Variants in PRH1 observed in about 807,000 individuals in gnomAD.
PRH1 encodes salivary acidic proline-rich phosphoprotein 1/2.
A neutral mutation model predicts 7.9 loss-of-function variants in PRH1; 7 were observed. That is an observed-to-expected ratio of 0.89 (90% CI 0.50 to 1.67). The LOEUF (loss-of-function observed/expected upper bound fraction) is 1.67, where lower values mean the gene tolerates loss of function less well. Ranked by LOEUF, PRH1 falls within the 40% of genes most tolerant of loss-of-function variation. The pLI is 0.00. For synonymous variants in PRH1, 45 were observed against 80.8 expected (o/e 0.56, Z 2.38); for missense variants, 109 against 223.6 (o/e 0.49, Z 3.27).
At chr12:11,062,898 A>AC (rs545691607) in intron 1 of PRH1, among the ~76,000 whole-genome samples, 4 of 152,082 alleles carry the variant, frequency 2.6e-5, no homozygotes, top group South Asian at 4.1e-4. Flanking sequence ...TGCTGCTAAT[A>AC]CGTTTGTATA....
chr12:11,133,477 T>A (rs767658098), intron 1 of PRH1: 7 of 1,614,142 alleles, frequency 4.3e-6, no homozygotes, highest in Non-Finnish European at 5.1e-6. Context: ...CAGGTTGCTT[T>A]TCCAGCCTCC....
intron 1 of PRH1, among the ~76,000 whole-genome samples, chr12:11,038,218 T>C (rs1231815919): frequency 1.3e-5 from 2 of 152,252 alleles, no homozygotes; most frequent in East Asian, 3.8e-4. Context: ...ACATTTTTTA[T>C]TGTGGAGCAT....
chr12:10,944,495 A>C (rs116490554), intron 2 of PRH1, among the ~76,000 whole-genome samples: 1 of 152,142 alleles, frequency 6.6e-6, no homozygotes, highest in Non-Finnish European at 1.5e-5. Flanking sequence ...TAGATAGAGA[A>C]TATGTCAACT....
chr12:10,997,932 T>C, intron 1 of PRH1: 1 of 1,109,662 alleles, frequency 9.0e-7, no homozygotes, highest in Non-Finnish European at 1.3e-6. Context: ...TGGTGACTCC[T>C]CTGATATTCA....
intron 1 of PRH1, among the ~76,000 whole-genome samples, chr12:11,164,287 T>C (rs937399830): frequency 7.9e-5 from 12 of 152,286 alleles, no homozygotes; most frequent in Middle Eastern, 3.4e-3. Flanking sequence ...AGGGCAAATA[T>C]ACTCTCTTCT....
chr12:11,150,529 A>C (rs1253774451), intron 1 of PRH1, among the ~76,000 whole-genome samples: 3 of 152,162 alleles, frequency 2.0e-5, no homozygotes, highest in Non-Finnish European at 4.4e-5. Flanking sequence ...AGGGACATGG[A>C]TGAAATTGGA....
intron 1 of PRH1, among the ~76,000 whole-genome samples, chr12:11,111,167 C>T (rs996963497): frequency 1.3e-5 from 2 of 152,156 alleles, no homozygotes; most frequent in Non-Finnish European, 2.9e-5. Flanking sequence ...TTCTTAGAGA[C>T]CTACAAAGAG....
chr12:10,901,686 G>C lies in PRH1; in HGVS notation c.-58-17411C>G, dbSNP rs533169621. Among the ~76,000 whole-genome samples the C allele has an allele frequency of 4.2e-3, 639 of 152,230 alleles. 4 individuals are homozygous for C. Among genetic ancestry groups the C allele is most frequent in the South Asian group, 0.02 (94 of 4,820 alleles). On this transcript the variant is annotated intron_variant, in intron 2 of 3. Transcript: ENST00000539853. Reference sequence around the variant, plus strand: ...ACCTATAAGTGCCATCTACTGGCTTGTAGGTTGAACCGCACAGTCTAATAT... The same window carrying C: ...ACCTATAAGTGCCATCTACTGGCTTCTAGGTTGAACCGCACAGTCTAATAT...
chr12:11,117,128 C>T (rs2597943), downstream of PRH1, among the ~76,000 whole-genome samples: 69,151 of 151,920 alleles, frequency 0.46, 16,537 homozygotes, highest in Non-Finnish European at 0.53. Flanking sequence ...AGTCAAATTA[C>T]GCTTGTTTGT....
chr12:11,066,169 A>G (rs1436854375), intron 1 of PRH1, among the ~76,000 whole-genome samples: 2 of 147,066 alleles, frequency 1.4e-5, no homozygotes, highest in Admixed American at 1.4e-4. Context: ...GTGTTTCTAA[A>G]GAATTCCACC....
intron 1 of PRH1, among the ~76,000 whole-genome samples, chr12:11,071,868 G>C: frequency 6.6e-6 from 1 of 152,178 alleles, no homozygotes; most frequent in East Asian, 1.9e-4. Flanking sequence ...CTCTACCCTT[G>C]CTCAATAACC....
At chr12:11,000,021 A>C (rs777564287) in intron 1 of PRH1, among the ~76,000 whole-genome samples, 3 of 152,142 alleles carry the variant, frequency 2.0e-5, no homozygotes, top group African/African-American at 4.8e-5. Flanking sequence ...ATTATGAATA[A>C]TACTACTATC....
At chr12:10,892,859 G>T (rs1565454488) in intron 2 of PRH1, among the ~76,000 whole-genome samples, 1 of 152,120 alleles carries the variant, frequency 6.6e-6, no homozygotes, top group African/African-American at 2.4e-5. Flanking sequence ...ATCAGCAATT[G>T]GTGAAGGACT....
intron 2 of PRH1, among the ~76,000 whole-genome samples, chr12:10,963,065 C>T (rs1396008167): frequency 6.6e-6 from 1 of 152,144 alleles, no homozygotes; most frequent in Non-Finnish European, 1.5e-5. Flanking sequence ...CCACCGACCC[C>T]GACCAGGGTC....
At chr12:11,031,517 A>G (rs568266189) in intron 1 of PRH1, 1 of 648,616 alleles carries the variant, frequency 1.5e-6, no homozygotes, top group Non-Finnish European at 2.4e-6. Context: ...TATTGAGAAG[A>G]GAGAAAGGAC....
At chr12:10,915,822 A>G (rs1305225020) in intron 2 of PRH1, among the ~76,000 whole-genome samples, 1 of 152,188 alleles carries the variant, frequency 6.6e-6, no homozygotes, top group Non-Finnish European at 1.5e-5. Flanking sequence ...GTCCTATAAA[A>G]GCATCCCCAT....
In PRH1 at chr12:11,022,374, C is replaced by T; in HGVS notation, c.-126+24646G>A. On this transcript the variant is annotated intron_variant, in intron 1 of 3. Coordinates refer to the PRH1 transcript ENST00000539853. Reference sequence around the variant, plus strand: ...AAGCAGAATTAAACACAGTTGCATACCAAAGGAATAACATGACCCAGAGTA... The same window carrying T: ...AAGCAGAATTAAACACAGTTGCATATCAAAGGAATAACATGACCCAGAGTA... The T allele has an allele frequency of 1.9e-6, 3 of 1,612,814 alleles. No individual in the cohort carries two copies. In the South Asian group the frequency reaches 3.3e-5, roughly 18 times the overall value.
chr12:10,944,461 T>C (rs1273936062), intron 2 of PRH1, among the ~76,000 whole-genome samples: 1 of 152,218 alleles, frequency 6.6e-6, no homozygotes, highest in Non-Finnish European at 1.5e-5. Flanking sequence ...GAAGGAGCTT[T>C]TGAGCCAAGA....
intron 1 of PRH1, chr12:11,062,223 A>G: frequency 1.2e-6 from 2 of 1,613,288 alleles, no homozygotes; most frequent in Non-Finnish European, 1.7e-6. Context: ...CTATGAAGCC[A>G]TTAGCAAAAT....
Sources: allele counts gnomAD v4.1 joint callset (sites outside exome capture counted in the v4.1 genomes callset), GRCh38; gene constraint gnomAD v4.1.1; transcripts MANE v1.5; gene names NCBI Gene and HGNC (gene_info 2026-07-23, HGNC 2026-07-21).